The following MRPS25 variants were observed in gnomAD, a reference collection of about 807,000 sequenced individuals.
MRPS25 encodes mitochondrial ribosomal protein S25, also known as small ribosomal subunit protein mS25.
A neutral mutation model predicts 17.3 loss-of-function variants in MRPS25; 15 were observed. That is an observed-to-expected ratio of 0.87 (90% confidence interval 0.58 to 1.34). The LOEUF (loss-of-function observed/expected upper bound fraction) is 1.34. Among genes scored for constraint, MRPS25 ranks in the 40% most tolerant of loss-of-function variants. MRPS25 has a pLI of 0.00. For synonymous variants in MRPS25, 94 were observed against 83.3 expected, an observed-to-expected ratio of 1.13 and a Z score of -0.70; for missense variants, 225 against 218.6, an observed-to-expected ratio of 1.03 and a Z score of -0.19.
intron 1 of MRPS25, among the ~76,000 whole-genome samples, chr3:15,062,761 G>A (rs1034477227): frequency 1.3e-5 from 2 of 152,140 alleles, no homozygotes; most frequent in Admixed American, 6.5e-5. Context: ...GTTGATCTGT[G>A]ACCTTACCCC....
chr3:15,065,063 G>A lies in MRPS25; in HGVS notation c.132C>T (p.Ala44=), dbSNP rs1231443082. Residue 44 remains alanine, a splice_region_variant and synonymous_variant, in exon 1 of 4, where the codon GCC becomes GCT. Coordinates refer to ENST00000253686, the MANE Select transcript of MRPS25 (RefSeq NM_022497.5). ...AGGCGGCCGGGGCTGCGACTGACCT[G>A]GCGCCCTCGCCCAGCTCCCCATGCG... ...YNTHGELGEG[A]RKFVFFNIPQ... The A allele has an allele frequency of 6.3e-7, 1 of 1,585,362 alleles. No individual in the cohort carries two copies. The highest frequency in any genetic ancestry group is 8.6e-7 in the Non-Finnish European group (1 of 1,168,900).
At chr3:15,044,130 T>C (rs2042368925), downstream of MRPS25, 1 of 152,252 alleles carries the variant, frequency 6.6e-6, no homozygotes, top group Non-Finnish European at 1.5e-5. Context: ...GAGGCTGGAT[T>C]GGGGCTGGGC....
intron 1 of MRPS25, among the ~76,000 whole-genome samples, chr3:15,063,108 AT>A (rs2042802575): frequency 6.6e-6 from 1 of 152,106 alleles, no homozygotes. Context: ...ACTGCTGTAT[AT>A]GCCAGACACT....
rs759579604 is a variant in MRPS25, at chr3:15,052,413, T to C, written c.*28A>G. 1 of 1,597,732 alleles carries C rather than the reference T, an allele frequency of 6.3e-7. No individual in the cohort carries two copies. ...CAATCTCCCCACTGGTCAGACACCATCACCCCAGCCCACAGTGACCGTGGG... is the reference window on the plus strand; with the variant it reads ...CAATCTCCCCACTGGTCAGACACCACCACCCCAGCCCACAGTGACCGTGGG... On this transcript the variant is annotated 3_prime_UTR_variant, in exon 4 of 4. Transcript: ENST00000253686.
At chr3:15,045,522 T>A (rs1387495913), downstream of MRPS25, 1 of 152,626 alleles carries the variant, frequency 6.6e-6, no homozygotes, top group Non-Finnish European at 1.5e-5. Context: ...CACCTCTTGG[T>A]TGGTTTCTGA....
At chr3:15,062,054 C>T (rs2042772987) in intron 1 of MRPS25, among the ~76,000 whole-genome samples, 1 of 147,346 alleles carries the variant, frequency 6.8e-6, no homozygotes, top group Admixed American at 6.7e-5. Context: ...TGGGGGTCAG[C>T]CCCCGCCAGG....
rs2042617810 is a variant in MRPS25 at position 15,052,478 on chromosome 3, TTCCCCC to T, written c.479_484del (p.Arg160_Gly161del). On this transcript the variant is annotated inframe_deletion, in exon 4 of 4. Transcript: ENST00000253686. The stretch of plus-strand genomic sequence containing the variant: ...ATCGGCTTTCAGAGCGGCTTTGTAC[TTCCCCC>T]TCATCTCCTTGGGTAATGGCACCAG... 1 of 1,614,036 alleles carries T rather than the reference TTCCCCC, an allele frequency of 6.2e-7. No individual in the cohort carries two copies. The highest frequency in any genetic ancestry group is 8.5e-7 in the Non-Finnish European group (1 of 1,180,026).
At chr3:15,056,828 CAAT>C (rs2042678943) in intron 2 of MRPS25, among the ~76,000 whole-genome samples, 2 of 152,238 alleles carry the variant, frequency 1.3e-5, no homozygotes, top group African/African-American at 2.4e-5. Context: ...ATTAATACAA[CAAT>C]ATCAGCATGA....
In MRPS25 at chr3:15,049,930, T is replaced by C; in HGVS notation, c.*2511A>G. On this transcript the variant is annotated 3_prime_UTR_variant, in exon 4 of 4. Transcript: ENST00000253686. ...TACAGGTTTAGATGGTGCTGCCAGG[T>C]AGTGCCTCAAAGAGAAGAAAAGTGG... 2 of 1,531,692 alleles carry C rather than the reference T, an allele frequency of 1.3e-6. No homozygotes were observed. Among genetic ancestry groups the C allele is most frequent in the Non-Finnish European group, 1.7e-6 (2 of 1,145,668 alleles). The allele number at this position is 1,531,692 out of a possible 1,614,324, so 94.9% of individuals were successfully genotyped here.
rs567906287 is a variant in MRPS25 at position 15,051,453 on chromosome 3, G to A, written c.*988C>T. On this transcript the variant is annotated 3_prime_UTR_variant, in exon 4 of 4. Coordinates refer to ENST00000253686, the MANE Select transcript of MRPS25 (RefSeq NM_022497.5). ...CCACATCAGCCTCCCAAAGTGCTGG[G>A]ATTACAGGCATGAGCCACCACACCC... 8.2e-6 allele frequency: 8 copies of A among 974,316 alleles called. No individual in the cohort carries two copies. Among genetic ancestry groups the A allele is most frequent in the African/African-American group, 7.0e-5 (4 of 57,120 alleles). 60.4% of individuals were successfully genotyped at this position (974,316 alleles called of 1,614,324 possible).
chr3:15,048,697 G>A lies in MRPS25; in HGVS notation c.*3744C>T, dbSNP rs938935854. 1 of 152,598 alleles carries A rather than the reference G, an allele frequency of 6.6e-6. No homozygotes were observed. Among genetic ancestry groups the A allele is most frequent in the Admixed American group, 6.6e-5 (1 of 15,256 alleles). The allele number at this position is 152,598 out of a possible 1,614,324, so 9.5% of individuals were successfully genotyped here. On this transcript the variant is annotated 3_prime_UTR_variant, in exon 4 of 4. Coordinates refer to ENST00000253686, the MANE Select transcript of MRPS25 (RefSeq NM_022497.5). Reference sequence around the variant, plus strand: ...GCTGCCACACACAACTCAAGTGCTGGAATATTTTTCTACAGTCTCTCTGTT... The same window carrying A: ...GCTGCCACACACAACTCAAGTGCTGAAATATTTTTCTACAGTCTCTCTGTT...
At chr3:15,056,055 T>C (rs1337385833) in intron 2 of MRPS25, among the ~76,000 whole-genome samples, 1 of 151,314 alleles carries the variant, frequency 6.6e-6, no homozygotes, top group Non-Finnish European at 1.5e-5. Context: ...CTACTAAAAA[T>C]ACAAAAAATT....
intron 1 of MRPS25, 121 bp downstream of exon 1, chr3:15,064,940 G>A (rs2042833238): frequency 3.0e-6 from 4 of 1,315,190 alleles, no homozygotes; most frequent in Admixed American, 4.5e-5. Flanking sequence ...TAACAGCGCC[G>A]ACCTGGGGGG....
At position 15,065,281 on chromosome 3, in the gene MRPS25, G is replaced by A; in HGVS notation, c.-87C>T. ...TAGCTAGCACCCGCGCGGATCTCAC[G>A]CGGCTTCTCCCCAGAGCCAGGTTCC... On this transcript the variant is annotated 5_prime_UTR_variant, in exon 1 of 4. Transcript: ENST00000253686. 1.4e-6 allele frequency: 2 copies of A among 1,446,318 alleles called. No individual in the cohort carries two copies. Among genetic ancestry groups the A allele is most frequent in the Non-Finnish European group, 1.8e-6 (2 of 1,098,360 alleles). The allele number at this position is 1,446,318 out of a possible 1,614,324, so 89.6% of individuals were successfully genotyped here.
In MRPS25 at chr3:15,048,916, T is replaced by C. The variant is rs1350442490; in HGVS notation, c.*3525A>G. Reference sequence around the variant, plus strand: ...TGTTAGATTTTCTTGGGACCGTTTCTGTAACCTTTGCCCTTCACAATATAG... The same window carrying C: ...TGTTAGATTTTCTTGGGACCGTTTCCGTAACCTTTGCCCTTCACAATATAG... On this transcript the variant is annotated 3_prime_UTR_variant, in exon 4 of 4. Transcript: ENST00000253686. 1 of 152,678 alleles carries C rather than the reference T, an allele frequency of 6.5e-6. No individual in the cohort carries two copies. Among genetic ancestry groups the C allele is most frequent in the African/African-American group, 2.4e-5 (1 of 41,470 alleles). The allele number at this position is 152,678 out of a possible 1,614,324, so 9.5% of individuals were successfully genotyped here. A position where few individuals can be genotyped will look rare whatever the true frequency, so the allele number is the denominator to read the frequency against.
At chr3:15,059,503 G>A (rs148708054) in intron 1 of MRPS25, 28 bp from the exon 2 acceptor site, 841 of 1,498,970 alleles carry the variant, frequency 5.6e-4, no homozygotes, top group Non-Finnish European at 7.2e-4. Context: ...TGAAGCCTAT[G>A]AAACAGAGTT....
chr3:15,061,557 G>A (rs1019479371), intron 1 of MRPS25, among the ~76,000 whole-genome samples: 5 of 152,164 alleles, frequency 3.3e-5, no homozygotes, highest in South Asian at 2.1e-4. Context: ...GCATGATCTC[G>A]GCTCGCTATA....
chr3:15,043,193 TAAG>T (rs2042332196), downstream of MRPS25: 5 of 433,348 alleles, frequency 1.2e-5, no homozygotes, highest in East Asian at 1.8e-4. Context: ...TTTCCTGACA[TAAG>T]AAATGTTTTA....
At chr3:15,046,031 T>C (rs2042436751), downstream of MRPS25, 1 of 152,380 alleles carries the variant, frequency 6.6e-6, no homozygotes, top group African/African-American at 2.4e-5. Flanking sequence ...AAGAGATTTT[T>C]TGAAAGACCA....
Sources: gnomAD v4.1 joint callset for allele counts (sites outside exome capture counted in the v4.1 genomes callset) on GRCh38, gnomAD v4.1.1 for gene constraint, MANE v1.5 for transcripts, NCBI Gene and HGNC (gene_info 2026-07-23, HGNC 2026-07-21) for gene names.